The following PRKCH variants were observed in gnomAD, a reference collection of about 807,000 sequenced individuals.
The protein encoded by PRKCH is protein kinase C eta, also known as protein kinase C eta type.
PRKCH carries 28 observed loss-of-function variants against 82.5 expected under a neutral mutation model. The observed-to-expected ratio is 0.34, with a 90% CI of 0.25 to 0.47. The LOEUF (loss-of-function observed/expected upper bound fraction) is 0.47. Among genes scored for constraint, PRKCH ranks in the 20% least tolerant of loss-of-function variants. PRKCH has a pLI of 1.00. For synonymous variants in PRKCH, 322 were observed against 327.4 expected (o/e 0.98, Z 0.18); for missense variants, 705 against 881.8 (o/e 0.80, Z 2.54).
chr14:61,231,491 T>C (rs1444269902), intron 1 of PRKCH, among the ~76,000 whole-genome samples: 2 of 151,858 alleles, frequency 1.3e-5, no homozygotes, highest in Non-Finnish European at 2.9e-5. Context: ...GACTTCTGAG[T>C]AGCTGGGACT....
chr14:61,541,907 T>G (rs1380185617), intron 12 of PRKCH, among the ~76,000 whole-genome samples: 1 of 152,212 alleles, frequency 6.6e-6, no homozygotes, highest in Non-Finnish European at 1.5e-5. Context: ...TGACACCAGA[T>G]TTGCAAAGAA....
At chr14:61,202,032 C>T (rs1243298109) in intron 1 of PRKCH, among the ~76,000 whole-genome samples, 1 of 152,172 alleles carries the variant, frequency 6.6e-6, no homozygotes, top group Non-Finnish European at 1.5e-5. Flanking sequence ...ATATTATTCA[C>T]TTCGGTAAAT....
At chr14:61,485,736 G>C in intron 10 of PRKCH, 80 bp downstream of exon 10, 1 of 1,478,840 alleles carries the variant, frequency 6.8e-7, no homozygotes, top group Non-Finnish European at 9.1e-7. Flanking sequence ...CACTTCTCAT[G>C]ATAATCAGTT....
At chr14:61,333,081 C>T (rs767182827) in intron 1 of PRKCH, among the ~76,000 whole-genome samples, 1 of 152,236 alleles carries the variant, frequency 6.6e-6, no homozygotes, top group South Asian at 2.1e-4. Context: ...GTGTATTAGC[C>T]TAATTCCATA....
intron 1 of PRKCH, among the ~76,000 whole-genome samples, chr14:61,369,083 G>T (rs1324000250): frequency 1.3e-5 from 2 of 152,030 alleles, no homozygotes; most frequent in African/African-American, 2.4e-5. Flanking sequence ...TTAGAACTTG[G>T]TATGCAAAAT....
chr14:61,347,627 A>G (rs1007754141), intron 1 of PRKCH, among the ~76,000 whole-genome samples: 1 of 152,226 alleles, frequency 6.6e-6, no homozygotes, highest in African/African-American at 2.4e-5. Flanking sequence ...GTGAGACAAG[A>G]CACTTAATGT....
At chr14:61,325,984 C>A (rs1384628850) in intron 1 of PRKCH, among the ~76,000 whole-genome samples, 2 of 152,080 alleles carry the variant, frequency 1.3e-5, no homozygotes, top group Non-Finnish European at 2.9e-5. Flanking sequence ...AAGTGGAGCA[C>A]CTGGAACTCT....
intron 1 of PRKCH, chr14:61,279,481 T>C (rs1279145520): frequency 2.0e-5 from 3 of 152,316 alleles, no homozygotes; most frequent in Admixed American, 6.5e-5. Context: ...CCAGTGGAGT[T>C]TGTTAAAACA....
intron 2 of PRKCH, among the ~76,000 whole-genome samples, chr14:61,407,378 C>A (rs943597857): frequency 3.3e-5 from 5 of 152,216 alleles, no homozygotes; most frequent in Admixed American, 6.5e-5. Context: ...CACCCAGGCA[C>A]AGGAGAACAT....
rs541061691 is a variant in PRKCH at position 61,453,831 on chromosome 14, T to A, written c.960+478T>A. 1.8e-4 allele frequency among the ~76,000 whole-genome samples: 28 copies of A among 152,160 alleles called. No homozygotes were observed. The South Asian group carries it at 4.6e-3, about 25-fold the overall frequency. On this transcript the variant is annotated intron_variant, in intron 7 of 13. Transcript: ENST00000332981. ...ACTATGTCAGGGTAATTTTTTATTTTTTTTTTTGTAGAGATGGAGTCTCAC... is the reference window on the plus strand; with the variant it reads ...ACTATGTCAGGGTAATTTTTTATTTATTTTTTTGTAGAGATGGAGTCTCAC...
chr14:61,293,412 C>T (rs532509641), intron 1 of PRKCH, among the ~76,000 whole-genome samples: 32 of 152,326 alleles, frequency 2.1e-4, no homozygotes, highest in African/African-American at 5.8e-4. Context: ...AGAGAAGGGA[C>T]TTCCCATTGT....
intron 12 of PRKCH, chr14:61,543,285 A>C (rs1419091856): frequency 6.6e-6 from 1 of 152,224 alleles, no homozygotes; most frequent in East Asian, 1.9e-4. Context: ...TAGTCTGGGA[A>C]AAAAACTGTT....
At chr14:61,243,596 T>G (rs12435172) in intron 1 of PRKCH, among the ~76,000 whole-genome samples, 7,791 of 152,098 alleles carry the variant, frequency 0.051, 325 homozygotes, top group East Asian at 0.16. Flanking sequence ...CTTATAGATC[T>G]TATTAATGGT....
intron 2 of PRKCH, among the ~76,000 whole-genome samples, chr14:61,414,721 C>T (rs1000428794): frequency 6.8e-5 from 10 of 148,040 alleles, no homozygotes; most frequent in Admixed American, 1.3e-4. Context: ...CCTCGTGATC[C>T]GCCTGCCTCA....
chr14:61,293,514 T>A (rs919317594), intron 1 of PRKCH, among the ~76,000 whole-genome samples: 30 of 152,208 alleles, frequency 2.0e-4, no homozygotes, highest in Non-Finnish European at 3.2e-4. Context: ...ATGACAGCGT[T>A]TCTTCTGTCC....
intron 10 of PRKCH, among the ~76,000 whole-genome samples, chr14:61,498,007 T>A (rs1382860511): frequency 4.6e-5 from 7 of 152,048 alleles, no homozygotes; most frequent in Admixed American, 3.3e-4. Flanking sequence ...ATTAAAAAAA[T>A]GCCATCCTAT....
chr14:61,295,236 G>T (rs181691339), intron 1 of PRKCH, among the ~76,000 whole-genome samples: 2 of 152,254 alleles, frequency 1.3e-5, no homozygotes, highest in Admixed American at 1.3e-4. Context: ...CATGAAAAAG[G>T]ATTCTGTATT....
At chr14:61,294,037 T>A (rs1351435606) in intron 1 of PRKCH, among the ~76,000 whole-genome samples, 1 of 152,238 alleles carries the variant, frequency 6.6e-6, no homozygotes, top group African/African-American at 2.4e-5. Flanking sequence ...TGCCTGCCCC[T>A]CTCAGGTGGA....
At chr14:61,188,047 G>C (rs1178197431) in intron 1 of PRKCH, among the ~76,000 whole-genome samples, 2 of 152,222 alleles carry the variant, frequency 1.3e-5, no homozygotes, top group Non-Finnish European at 2.9e-5. Context: ...GGACAGATAG[G>C]ACAACCCTTT....
Sources: allele counts gnomAD v4.1 joint callset (sites outside exome capture counted in the v4.1 genomes callset), GRCh38; gene constraint gnomAD v4.1.1; transcripts MANE v1.5; gene names NCBI Gene and HGNC (gene_info 2026-07-23, HGNC 2026-07-21).